The following NDST4 variants were observed in gnomAD, a reference collection of about 807,000 sequenced individuals.
NDST4 encodes the protein N-deacetylase and N-sulfotransferase 4.
In NDST4, 63 loss-of-function variants were observed where a neutral mutation model predicts 100.8. The observed-to-expected ratio is 0.62, with a 90% CI of 0.51 to 0.77. NDST4 has a LOEUF of 0.77. Among genes scored for constraint, NDST4 ranks in the 30% least tolerant of loss-of-function variants. NDST4 has a pLI of 0.00. For missense variants in NDST4, 943 were observed against 1,018.4 expected, an observed-to-expected ratio of 0.93 and a Z score of 1.01; for synonymous variants, 377 against 361.8, an observed-to-expected ratio of 1.04 and a Z score of -0.48.
intron 2 of NDST4, among the ~76,000 whole-genome samples, chr4:115,002,428 T>A (rs1206476819): frequency 6.6e-6 from 1 of 152,206 alleles, no homozygotes; most frequent in African/African-American, 2.4e-5. Context: ...TACAAAAATT[T>A]CTCCCATTCT....
intron 1 of NDST4, among the ~76,000 whole-genome samples, chr4:115,095,590 A>G (rs1371536756): frequency 6.6e-6 from 1 of 152,048 alleles, no homozygotes; most frequent in Non-Finnish European, 1.5e-5. Context: ...AAACCATACC[A>G]CCTGCCTCTT....
chr4:114,977,443 T>A (rs1726664603), intron 2 of NDST4, among the ~76,000 whole-genome samples, 169 bp from the exon 3 acceptor site: 1 of 151,938 alleles, frequency 6.6e-6, no homozygotes, highest in African/African-American at 2.4e-5. Context: ...ATTATTATAG[T>A]CATTATTTTT....
chr4:114,889,309 C>T (rs1238944163), intron 6 of NDST4, among the ~76,000 whole-genome samples: 3 of 152,088 alleles, frequency 2.0e-5, no homozygotes, highest in African/African-American at 7.2e-5. Flanking sequence ...GGATTTTGAT[C>T]CCACTTACTC....
intron 6 of NDST4, among the ~76,000 whole-genome samples, chr4:114,920,493 C>T (rs1725265568): frequency 6.6e-6 from 1 of 152,096 alleles, no homozygotes; most frequent in Non-Finnish European, 1.5e-5. Context: ...GAGTAAGATT[C>T]TGTTACTTAC....
intron 1 of NDST4, among the ~76,000 whole-genome samples, chr4:115,110,053 T>C (rs1345012623): frequency 6.6e-6 from 1 of 151,944 alleles, no homozygotes; most frequent in Non-Finnish European, 1.5e-5. Context: ...TTTGAGGAAA[T>C]CTATTTTCAA....
chr4:115,076,643 T>C lies in NDST4; in HGVS notation c.394A>G (p.Ile132Val). The change falls in exon 2 of 14, where the codon ATT (isoleucine) becomes GTT (valine). Residue 132 changes from isoleucine to valine, a missense_variant. Ile to Val is a conservative substitution (Grantham distance 29). Around this residue, in one of 2 missense-constraint regions of NDST4, gnomAD observed 417 missense variants for 384.2 expected, o/e 1.09. Transcript: ENST00000264363. ...DNGKGKYTLV[I>V]YENILKYVSM... ...ACATACTTCAGAATATTTTCATAAA[T>C]AACTAAAGTATATTTCCCTTTGCCA... 1.2e-6 allele frequency: 2 copies of C among 1,613,840 alleles called. No homozygotes were observed. The highest frequency in any genetic ancestry group is 2.2e-5 in the East Asian group (1 of 44,770).
At chr4:115,044,278 C>T (rs190275725) in intron 2 of NDST4, among the ~76,000 whole-genome samples, 10 of 152,104 alleles carry the variant, frequency 6.6e-5, no homozygotes, top group African/African-American at 2.4e-4. Flanking sequence ...ATATCTTTTA[C>T]ATTAATATGT....
chr4:114,828,727 T>A (rs987905238), intron 13 of NDST4, among the ~76,000 whole-genome samples: 3 of 152,206 alleles, frequency 2.0e-5, no homozygotes, highest in African/African-American at 7.2e-5. Flanking sequence ...ACGAACACTT[T>A]TCCTGTTGCT....
At chr4:115,033,148 TATA>T (rs1560574216) in intron 2 of NDST4, among the ~76,000 whole-genome samples, 2 of 131,380 alleles carry the variant, frequency 1.5e-5, no homozygotes, top group African/African-American at 6.0e-5. Context: ...TATATATATA[TATA>T]TATATATTTT....
intron 6 of NDST4, among the ~76,000 whole-genome samples, chr4:114,908,458 C>T (rs1223315144): frequency 6.6e-6 from 1 of 152,000 alleles, no homozygotes; most frequent in Non-Finnish European, 1.5e-5. Context: ...TTTCTCTCTT[C>T]TCCTCTGGAA....
chr4:114,937,526 T>C, intron 4 of NDST4, 23 bp from the exon 5 acceptor site: 1 of 1,522,948 alleles, frequency 6.6e-7, no homozygotes, highest in Non-Finnish European at 8.8e-7. Flanking sequence ...CAGAACAACA[T>C]CATGATGGGA....
rs143559294 is a variant in NDST4 at position 114,990,376 on chromosome 4, A to G, written c.979-13102T>C. ...TTATAAAAATTCACAAAGTATTCAA[A>G]TTTATGGATACAACATTCTTTGTAT... On this transcript the variant is annotated intron_variant, in intron 2 of 13. Coordinates refer to ENST00000264363, the MANE Select transcript of NDST4 (RefSeq NM_022569.3). Among the ~76,000 whole-genome samples, 365 of 152,244 alleles carry G rather than the reference A, an allele frequency of 2.4e-3. 1 individual carries two copies. The highest frequency in any genetic ancestry group is 8.4e-3 in the African/African-American group (348 of 41,582).
At chr4:115,028,843 T>C (rs1444075921) in intron 2 of NDST4, among the ~76,000 whole-genome samples, 2 of 152,130 alleles carry the variant, frequency 1.3e-5, no homozygotes, top group East Asian at 1.9e-4. Context: ...ACAGGAAGCA[T>C]GCCACATTAA....
chr4:114,967,127 T>C (rs1471515347), intron 4 of NDST4, among the ~76,000 whole-genome samples: 1 of 152,054 alleles, frequency 6.6e-6, no homozygotes, highest in Non-Finnish European at 1.5e-5. Context: ...GAAAGAGATA[T>C]ATCTCTTGGC....
chr4:115,022,361 CAT>C (rs1206003705), intron 2 of NDST4, among the ~76,000 whole-genome samples: 4 of 50,610 alleles, frequency 7.9e-5, no homozygotes, highest in Non-Finnish European at 1.4e-4. Flanking sequence ...GTTCCACGTA[CAT>C]ATGTGTTCCA....
chr4:115,100,391 A>G (rs1293228472), intron 1 of NDST4, among the ~76,000 whole-genome samples: 1 of 152,072 alleles, frequency 6.6e-6, no homozygotes, highest in East Asian at 1.9e-4. Context: ...TGGTGGGAAA[A>G]GTTGTACACA....
chr4:115,074,390 G>T (rs185498139), intron 2 of NDST4, among the ~76,000 whole-genome samples: 113 of 152,086 alleles, frequency 7.4e-4, no homozygotes, highest in African/African-American at 2.6e-3. Context: ...TTTAGCATGT[G>T]AAGATAGGAA....
At chr4:114,870,425 T>G (rs756845199) in intron 7 of NDST4, among the ~76,000 whole-genome samples, 1 of 152,114 alleles carries the variant, frequency 6.6e-6, no homozygotes, top group Non-Finnish European at 1.5e-5. Flanking sequence ...TCCCTAGATA[T>G]CTACTGTCTA....
At chr4:114,901,856 A>T (rs1385667139) in intron 6 of NDST4, among the ~76,000 whole-genome samples, 2 of 150,118 alleles carry the variant, frequency 1.3e-5, no homozygotes, top group East Asian at 2.0e-4. Context: ...TTTTTTAGTG[A>T]CTGTAATAGA....
Sources: allele counts gnomAD v4.1 joint callset (sites outside exome capture counted in the v4.1 genomes callset), GRCh38; gene constraint gnomAD v4.1.1; regional missense constraint gnomAD v4.1.1; transcripts MANE v1.5; gene names NCBI Gene and HGNC (gene_info 2026-07-23, HGNC 2026-07-21).